Variants in SPATA6L observed in about 807,000 individuals in gnomAD.
SPATA6L encodes the protein spermatogenesis associated 6 like, also known as spermatogenesis associated 6-like protein.
A neutral mutation model predicts 49.2 loss-of-function variants in SPATA6L; 68 were observed. The ratio of observed to expected loss-of-function variants is 1.38; its 90% CI spans 1.14 to 1.69. SPATA6L has a LOEUF of 1.69. SPATA6L is among the 40% of genes most tolerant of loss of function. The pLI is 0.00. For synonymous variants in SPATA6L, 198 were observed against 165.7 expected (o/e 1.19, Z -1.50); for missense variants, 668 against 464.3 (o/e 1.44, Z -4.03).
At chr9:4,654,562 G>T (rs894112431) in intron 3 of SPATA6L, among the ~76,000 whole-genome samples, 2 of 152,170 alleles carry the variant, frequency 1.3e-5, no homozygotes, top group African/African-American at 4.8e-5. Context: ...TTCTTGCCTT[G>T]GTGTACTGGA....
At chr9:4,629,611 C>A (rs1831064908) in intron 4 of SPATA6L, among the ~76,000 whole-genome samples, 1 of 151,798 alleles carries the variant, frequency 6.6e-6, no homozygotes, top group Admixed American at 6.6e-5. Context: ...TCTCTACCTA[C>A]CTGCTTTGAA....
At chr9:4,616,323 G>A (rs1355502703) in intron 9 of SPATA6L, among the ~76,000 whole-genome samples, 1 of 152,162 alleles carries the variant, frequency 6.6e-6, no homozygotes, top group Non-Finnish European at 1.5e-5. Context: ...TGGAGTAGCT[G>A]TGTGAAATCA....
rs1400440355 is a variant in SPATA6L at position 4,652,387 on chromosome 9, C to CAAACAA, written c.226+3648_226+3653dup. ...AGGCAACAAGAATGAAACTCTGTCTCAAACAAAAACAAAAACAAAAACAAA... is the reference window on the plus strand; with the variant it reads ...AGGCAACAAGAATGAAACTCTGTCTCAAACAAAAACAAAAACAAAAACAAAAACAAA... On this transcript the variant is annotated intron_variant, in intron 3 of 11. Coordinates refer to ENST00000682582, the MANE Select transcript of SPATA6L (RefSeq NM_001353486.2). 4.6e-5 allele frequency among the ~76,000 whole-genome samples: 7 copies of CAAACAA among 151,910 alleles called. No homozygotes were observed. In the East Asian group the frequency reaches 1.2e-3, roughly 25 times the overall value.
intron 1 of SPATA6L, chr9:4,663,486 A>C: frequency 1.9e-6 from 1 of 525,810 alleles, no homozygotes; most frequent in Non-Finnish European, 3.5e-6. Context: ...AAAATCCTCT[A>C]TTGTATATTT....
At chr9:4,601,639 G>T (rs537803957) in intron 11 of SPATA6L, among the ~76,000 whole-genome samples, 39 of 152,236 alleles carry the variant, frequency 2.6e-4, no homozygotes, top group African/African-American at 9.4e-4. Context: ...TCTCGAGATC[G>T]CTGGGGAGCC....
intron 9 of SPATA6L, among the ~76,000 whole-genome samples, chr9:4,616,734 C>T (rs921716603): frequency 1.3e-4 from 20 of 152,240 alleles, no homozygotes; most frequent in Middle Eastern, 6.8e-3. Flanking sequence ...TACAGGCATG[C>T]GCCACTATGC....
chr9:4,606,159 G>C (rs376205473), intron 9 of SPATA6L, among the ~76,000 whole-genome samples: 2 of 151,716 alleles, frequency 1.3e-5, no homozygotes, highest in African/African-American at 2.4e-5. Context: ...CGCCCACGGA[G>C]TCTCGCTGAT....
chr9:4,642,047 C>A (rs971229141), intron 3 of SPATA6L, among the ~76,000 whole-genome samples: 1 of 152,178 alleles, frequency 6.6e-6, no homozygotes, highest in Non-Finnish European at 1.5e-5. Flanking sequence ...GGATTACAGG[C>A]GCAAGCCACC....
At chr9:4,592,779 C>G (rs1236065255) in intron 13 of SPATA6L, among the ~76,000 whole-genome samples, 1 of 152,026 alleles carries the variant, frequency 6.6e-6, no homozygotes, top group African/African-American at 2.4e-5. Context: ...ATCATATCCC[C>G]CAAAATAATT....
chr9:4,647,881 G>C (rs1379813299), intron 3 of SPATA6L, among the ~76,000 whole-genome samples: 1 of 151,520 alleles, frequency 6.6e-6, no homozygotes, highest in Admixed American at 6.6e-5. Flanking sequence ...GTCACCCAGG[G>C]TGGAGGGCAG....
intron 9 of SPATA6L, among the ~76,000 whole-genome samples, chr9:4,611,645 T>A (rs1826751318): frequency 1.0e-5 from 1 of 99,528 alleles, no homozygotes; most frequent in Non-Finnish European, 1.9e-5. Flanking sequence ...CTGGGGACTG[T>A]TGTGGGGTGG....
intron 3 of SPATA6L, chr9:4,646,282 G>A (rs1430511114): frequency 3.5e-5 from 13 of 370,740 alleles, no homozygotes; most frequent in Non-Finnish European, 6.2e-5. Flanking sequence ...TCCCTGCCAT[G>A]AAACACCATA....
At chr9:4,663,434 A>G (rs986688788) in intron 1 of SPATA6L, 2 of 712,866 alleles carry the variant, frequency 2.8e-6, no homozygotes, top group Non-Finnish European at 4.8e-6. Context: ...CACACTGGCC[A>G]TTACTGAACA....
intron 3 of SPATA6L, among the ~76,000 whole-genome samples, chr9:4,647,198 C>T (rs1418900868): frequency 6.6e-6 from 1 of 152,128 alleles, no homozygotes; most frequent in Non-Finnish European, 1.5e-5. Flanking sequence ...ATGCAATTTT[C>T]ATCTTAAATA....
At chr9:4,664,689 T>G (rs1460615497) in intron 1 of SPATA6L, 1 of 167,082 alleles carries the variant, frequency 6.0e-6, no homozygotes, top group Non-Finnish European at 1.5e-5. Context: ...ATTTTGGCAT[T>G]TATAAATAGA....
intron 9 of SPATA6L, among the ~76,000 whole-genome samples, chr9:4,610,120 T>C (rs201491392): frequency 4.6e-5 from 7 of 152,094 alleles, no homozygotes; most frequent in Non-Finnish European, 1.0e-4. Flanking sequence ...AGGAGAAGTA[T>C]AAACCACTGC....
intron 6 of SPATA6L, among the ~76,000 whole-genome samples, chr9:4,623,638 T>A (rs1829811775): frequency 6.6e-6 from 1 of 152,130 alleles, no homozygotes; most frequent in Admixed American, 6.6e-5. Context: ...AAAAATTAAA[T>A]ATGTAAAATC....
At position 4,635,368 on chromosome 9, in the gene SPATA6L, G is replaced by A. The variant is rs761192646; in HGVS notation, c.258C>T (p.Asn86=). The A allele has an allele frequency of 1.9e-6, 3 of 1,591,128 alleles. No homozygotes were observed. In the East Asian group the frequency reaches 7.1e-5, roughly 38 times the overall value. Residue 86 remains asparagine (N), a synonymous_variant, in exon 4 of 12, where the codon AAC becomes AAT. Coordinates refer to ENST00000682582, the MANE Select transcript of SPATA6L (RefSeq NM_001353486.2). ...MWDELAYYEE[N]TRDFLFPEPK... is the part of the protein sequence containing the mutation. ...GCTCTGGGAAAAGAAAATCTCGTGTGTTTTCTTCGTAGTAGGCCAACTCAT... is the reference window on the plus strand; with the variant it reads ...GCTCTGGGAAAAGAAAATCTCGTGTATTTTCTTCGTAGTAGGCCAACTCAT...
chr9:4,663,225 A>G (rs370523980), intron 1 of SPATA6L: 2 of 1,613,618 alleles, frequency 1.2e-6, no homozygotes, highest in Non-Finnish European at 1.7e-6. Flanking sequence ...CTCACCCCAT[A>G]ATGCTCCGGT....
Sources: allele counts gnomAD v4.1 joint callset (sites outside exome capture counted in the v4.1 genomes callset), GRCh38; gene constraint gnomAD v4.1.1; transcripts MANE v1.5; gene names NCBI Gene and HGNC (gene_info 2026-07-23, HGNC 2026-07-21).